Variants in BRINP3 observed in about 807,000 individuals in gnomAD.
BRINP3 encodes the protein BMP/retinoic acid-inducible neural-specific protein 3.
In BRINP3, 19 loss-of-function variants were observed where a neutral mutation model predicts 71.0. The ratio of observed to expected loss-of-function variants is 0.27; its 90% confidence interval spans 0.19 to 0.39. BRINP3 has a LOEUF of 0.39. BRINP3 is among the 10% of genes least tolerant of loss of function. The pLI is 1.00. For synonymous variants in BRINP3, 380 were observed against 337.7 expected (o/e 1.13, Z -1.37); for missense variants, 959 against 940.8 (o/e 1.02, Z -0.25).
intron 1 of BRINP3, among the ~76,000 whole-genome samples, chr1:190,468,299 CTTA>C (rs1396869831): frequency 1.3e-5 from 2 of 151,274 alleles, no homozygotes; most frequent in South Asian, 4.2e-4. Context: ...TAATCAAACA[CTTA>C]TTATTGGAGC....
intron 3 of BRINP3, among the ~76,000 whole-genome samples, chr1:190,271,960 G>T (rs1209243914): frequency 1.3e-5 from 2 of 151,508 alleles, no homozygotes; most frequent in African/African-American, 4.8e-5. Context: ...CACCATTTTA[G>T]CATAGTCCTT....
chr1:190,160,980 A>G lies in BRINP3; in HGVS notation c.962-90T>C, dbSNP rs532630443. On this transcript the variant is annotated intron_variant, in intron 6 of 7. Transcript: ENST00000367462. ...GTATGTCAATATTAAGAACAAATAC[A>G]TATACACATATATGTCAAATTAAGA... 20 of 796,326 alleles carry G rather than the reference A, an allele frequency of 2.5e-5. 3 individuals are homozygous for G. The highest frequency in any genetic ancestry group is 1.8e-4 in the South Asian group (10 of 54,996). The allele number at this position is 796,326 out of a possible 1,614,324, so 49.3% of individuals were successfully genotyped here. A position where few individuals can be genotyped will look rare whatever the true frequency, so the allele number is the denominator to read the frequency against.
chr1:190,148,881 A>C (rs2102414368), intron 7 of BRINP3, among the ~76,000 whole-genome samples: 1 of 152,258 alleles, frequency 6.6e-6, no homozygotes, highest in Middle Eastern at 3.4e-3. Context: ...GGGAAGAACT[A>C]GGACACCTTC....
intron 2 of BRINP3, among the ~76,000 whole-genome samples, chr1:190,408,019 C>CTTTTTT (rs34343187): frequency 2.3e-4 from 23 of 99,794 alleles, no homozygotes; most frequent in African/African-American, 2.9e-4. Flanking sequence ...CTACATTTGT[C>CTTTTTT]TTTTTTTTTT....
chr1:190,441,970 A>G lies in BRINP3; in HGVS notation c.236+12685T>C, dbSNP rs560611643. On this transcript the variant is annotated intron_variant, in intron 2 of 7. Transcript: ENST00000367462. ...ATGCTATAAATGGGAATTAGAAAGCATGAGTTAAAGATCATTACTTTGAGT... is the reference window on the plus strand; with the variant it reads ...ATGCTATAAATGGGAATTAGAAAGCGTGAGTTAAAGATCATTACTTTGAGT... Among the ~76,000 whole-genome samples, 424 of 152,264 alleles carry G rather than the reference A, an allele frequency of 2.8e-3. 1 individual carries two copies. The highest frequency in any genetic ancestry group is 6.1e-3 in the Admixed American group (93 of 15,294).
intron 7 of BRINP3, among the ~76,000 whole-genome samples, chr1:190,099,506 G>T (rs112565103): frequency 9.2e-4 from 140 of 152,256 alleles, no homozygotes; most frequent in African/African-American, 3.1e-3. Context: ...TTTGAAATAA[G>T]AAGAAGAAAG....
At chr1:190,187,171 CT>C (rs777579763) in intron 6 of BRINP3, among the ~76,000 whole-genome samples, 3 of 152,008 alleles carry the variant, frequency 2.0e-5, no homozygotes, top group Non-Finnish European at 2.9e-5. Context: ...ATTCATAAGT[CT>C]TTTTTTGAGA....
intron 3 of BRINP3, among the ~76,000 whole-genome samples, chr1:190,268,221 A>G (rs1661817697): frequency 6.6e-6 from 1 of 152,168 alleles, no homozygotes; most frequent in Non-Finnish European, 1.5e-5. Flanking sequence ...AATTATAACT[A>G]TTTATGATTA....
Position 190,350,116 on chromosome 1 carries a change from C to T in BRINP3, c.237-68366G>A, listed in dbSNP as rs1668280753. On this transcript the variant is annotated intron_variant, in intron 2 of 7. Coordinates refer to ENST00000367462, the MANE Select transcript of BRINP3 (RefSeq NM_199051.3). ...GCAAGGAGGTACAAACAAAACCACG[C>T]CCTTGGTCAAAAGGATTGTGTTCAT... Among the ~76,000 whole-genome samples, 2 of 152,042 alleles carry T rather than the reference C, an allele frequency of 1.3e-5. 1 individual carries two copies. The highest frequency in any genetic ancestry group is 1.3e-4 in the Admixed American group (2 of 15,244).
intron 2 of BRINP3, among the ~76,000 whole-genome samples, chr1:190,303,260 G>A (rs1481632801): frequency 6.6e-6 from 1 of 151,670 alleles, no homozygotes; most frequent in Non-Finnish European, 1.5e-5. Context: ...TAAATTAAAT[G>A]ATATAATGAC....
chr1:190,426,873 C>A (rs1673742042), intron 2 of BRINP3, among the ~76,000 whole-genome samples: 1 of 151,616 alleles, frequency 6.6e-6, no homozygotes, highest in South Asian at 2.1e-4. Flanking sequence ...TCTTTTATAT[C>A]TCTTGGGGAG....
rs753131261 is a variant in BRINP3, at chr1:190,234,405, C to T, written c.691G>A (p.Val231Ile). 3 of 1,612,334 alleles carry T rather than the reference C, an allele frequency of 1.9e-6. No homozygotes were observed. Among genetic ancestry groups the T allele is most frequent in the African/African-American group, 1.3e-5 (1 of 74,886 alleles). The change falls in exon 5 of 8, where the codon GTT becomes ATT. Residue 231 changes from valine (V) to isoleucine (I), a missense_variant. Transcript: ENST00000367462. ...DNLDSVSSVL[V>I]QSPENKIQLQ... is the part of the protein sequence containing the mutation. ...TGAATCTTATTCTCAGGACTCTGAA[C>T]CAGAACAGAACTGACAGAATCTAGG...
intron 6 of BRINP3, among the ~76,000 whole-genome samples, chr1:190,211,029 T>C (rs1655939269): frequency 1.3e-5 from 2 of 152,068 alleles, no homozygotes; most frequent in African/African-American, 4.8e-5. Context: ...CTCTCGGGCC[T>C]TTGGCCACAC....
intron 1 of BRINP3, among the ~76,000 whole-genome samples, chr1:190,459,503 T>C (rs1676240734): frequency 6.6e-6 from 1 of 151,932 alleles, no homozygotes; most frequent in African/African-American, 2.4e-5. Context: ...TACAAAGATA[T>C]AAACAAAATA....
chr1:190,257,105 T>C (rs1660731758), intron 4 of BRINP3, among the ~76,000 whole-genome samples: 1 of 152,140 alleles, frequency 6.6e-6, no homozygotes, highest in South Asian at 2.1e-4. Context: ...TCCATTCTCC[T>C]GTCAGTTTCA....
chr1:190,151,868 A>T (rs1656422100), intron 7 of BRINP3, among the ~76,000 whole-genome samples: 1 of 152,194 alleles, frequency 6.6e-6, no homozygotes, highest in African/African-American at 2.4e-5. Flanking sequence ...ACAAAAGACA[A>T]GCCTAAAATC....
chr1:190,210,959 T>C (rs1383607495), intron 6 of BRINP3, among the ~76,000 whole-genome samples: 1 of 152,120 alleles, frequency 6.6e-6, no homozygotes, highest in Non-Finnish European at 1.5e-5. Context: ...CCCTCGAATA[T>C]TAGACTCCAA....
intron 2 of BRINP3, among the ~76,000 whole-genome samples, chr1:190,422,267 T>C (rs1158947904): frequency 6.6e-6 from 1 of 151,796 alleles, no homozygotes; most frequent in Non-Finnish European, 1.5e-5. Context: ...AATGAATACA[T>C]ACTCTTGCTT....
At chr1:190,379,158 CAA>C (rs1405968048) in intron 2 of BRINP3, among the ~76,000 whole-genome samples, 1 of 151,904 alleles carries the variant, frequency 6.6e-6, no homozygotes, top group Non-Finnish European at 1.5e-5. Context: ...GCCACTGTAC[CAA>C]AATTGGATTA....
Sources: allele counts gnomAD v4.1 joint callset (sites outside exome capture counted in the v4.1 genomes callset), GRCh38; gene constraint gnomAD v4.1.1; transcripts MANE v1.5; gene names NCBI Gene and HGNC (gene_info 2026-07-23, HGNC 2026-07-21).